GYPC: variants seen among roughly 807,000 people sequenced by gnomAD.
GYPC encodes the protein glycophorin-C.
In GYPC, 14 loss-of-function variants were observed where a neutral mutation model predicts 12.6. The ratio of observed to expected loss-of-function variants is 1.11; its 90% confidence interval spans 0.74 to 1.74. GYPC has a LOEUF of 1.74. Ranked by LOEUF, GYPC falls within the 40% of genes most tolerant of loss-of-function variation. GYPC has a pLI of 0.00. For missense variants in GYPC, 225 were observed against 172.1 expected (o/e 1.31, Z -1.72); for synonymous variants, 78 against 62.1 (o/e 1.26, Z -1.20).
chr2:126,671,633 A>G (rs1682859042), intron 1 of GYPC, among the ~76,000 whole-genome samples: 1 of 152,204 alleles, frequency 6.6e-6, no homozygotes, highest in Admixed American at 6.5e-5. Context: ...ACTTCTGCTG[A>G]CTGCCCTAGC....
intron 2 of GYPC, among the ~76,000 whole-genome samples, chr2:126,692,652 C>T (rs1426929556): frequency 1.3e-5 from 2 of 152,092 alleles, no homozygotes; most frequent in East Asian, 3.9e-4. Context: ...AGGAAACATC[C>T]CGGTCCCCAA....
chr2:126,671,511 G>A (rs1445037777), intron 1 of GYPC, among the ~76,000 whole-genome samples: 4 of 152,178 alleles, frequency 2.6e-5, no homozygotes, highest in Non-Finnish European at 4.4e-5. Context: ...TCTCCCTACC[G>A]GGAGGCCATC....
intron 1 of GYPC, among the ~76,000 whole-genome samples, chr2:126,671,451 G>T (rs934913092): frequency 6.6e-6 from 1 of 152,264 alleles, no homozygotes; most frequent in South Asian, 2.1e-4. Context: ...ACCTCTCCAC[G>T]CACGGGGCCA....
Position 126,693,800 on chromosome 2 carries a change from C to A in GYPC, c.107-64C>A. On this transcript the variant is annotated intron_variant, in intron 2 of 3. Coordinates refer to ENST00000259254, the MANE Select transcript of GYPC (RefSeq NM_002101.5). ...CCTGAGCAAAGGATGCAGCTTGGGC[C>A]AAGGTGCTGCTAGGCATGGAGAATC... 3 of 1,113,928 alleles carry A rather than the reference C, an allele frequency of 2.7e-6. No homozygotes were observed. In the Admixed American group the frequency reaches 5.1e-5, roughly 19 times the overall value. 69.0% of individuals were successfully genotyped at this position (1,113,928 alleles called of 1,614,324 possible).
In GYPC at chr2:126,696,153, A is replaced by G. The variant is rs1683638420; in HGVS notation, c.*11A>G. On this transcript the variant is annotated 3_prime_UTR_variant, in exon 4 of 4. Coordinates refer to ENST00000259254, the MANE Select transcript of GYPC (RefSeq NM_002101.5). ...GAGTACTTTATTTGAGGGACAACAG[A>G]CTTCACTTCCCTGAATGCCTCCCCC... 2 of 1,603,296 alleles carry G rather than the reference A, an allele frequency of 1.2e-6. No homozygotes were observed. The highest frequency in any genetic ancestry group is 3.3e-5 in the Admixed American group (2 of 59,914).
chr2:126,676,089 A>G (rs771799461), intron 1 of GYPC, among the ~76,000 whole-genome samples: 15 of 152,204 alleles, frequency 9.9e-5, no homozygotes, highest in Non-Finnish European at 1.9e-4. Flanking sequence ...GGAGCCTCTA[A>G]TCCTGATTGA....
intron 1 of GYPC, among the ~76,000 whole-genome samples, chr2:126,673,024 A>T (rs1558882912): frequency 6.6e-6 from 1 of 151,958 alleles, no homozygotes; most frequent in Non-Finnish European, 1.5e-5. Flanking sequence ...GGCAAGTCAC[A>T]CTCGAGGTCA....
Position 126,656,196 on chromosome 2 carries a change from C to T in GYPC, c.-68C>T. The stretch of plus-strand genomic sequence containing the variant: ...AGGGTCAGGAGCCCGGGAGCGCGAC[C>T]CTCCCCCGGCCCGGCCTGGCCCGGC... On this transcript the variant is annotated 5_prime_UTR_variant, in exon 1 of 4. Transcript: ENST00000259254. 6.5e-7 allele frequency: 1 copy of T among 1,542,336 alleles called. No individual in the cohort carries two copies.
At chr2:126,686,671 G>T in intron 1 of GYPC, 3 of 985,308 alleles carry the variant, frequency 3.0e-6, no homozygotes, top group Non-Finnish European at 2.4e-6. Context: ...GGGCCGGGGG[G>T]ACCTTGCAAC....
At chr2:126,664,690 GTGACCTGAGCTCA>G (rs1168334986) in intron 1 of GYPC, among the ~76,000 whole-genome samples, 1 of 152,274 alleles carries the variant, frequency 6.6e-6, no homozygotes, top group East Asian at 1.9e-4. Flanking sequence ...AAGTCACCCT[GTGACCTGAGCTCA>G]GCCCATTGGA....
At chr2:126,683,000 C>A (rs1234951634) in intron 1 of GYPC, among the ~76,000 whole-genome samples, 8 of 152,192 alleles carry the variant, frequency 5.3e-5, no homozygotes, top group African/African-American at 1.9e-4. Flanking sequence ...TTCTGCTTTC[C>A]TTCAGTCTAT....
At chr2:126,676,038 C>T (rs28387149) in intron 1 of GYPC, among the ~76,000 whole-genome samples, 10,481 of 152,292 alleles carry the variant, frequency 0.069, 454 homozygotes, top group Non-Finnish European at 0.1. Flanking sequence ...CTGGCTTCTT[C>T]CAGCTGTGCT....
intron 2 of GYPC, among the ~76,000 whole-genome samples, chr2:126,692,556 T>C (rs1340414454): frequency 6.6e-6 from 1 of 152,194 alleles, no homozygotes; most frequent in African/African-American, 2.4e-5. Flanking sequence ...GGATTTCCTA[T>C]GTTAACACTG....
At chr2:126,677,193 G>A (rs1683014100) in intron 1 of GYPC, among the ~76,000 whole-genome samples, 1 of 151,246 alleles carries the variant, frequency 6.6e-6, no homozygotes, top group African/African-American at 2.4e-5. Context: ...GTGCATGAGA[G>A]TGTGTGTGTG....
In GYPC at chr2:126,696,031, C is replaced by T; in HGVS notation, c.276C>T (p.His92=). 2 of 1,614,110 alleles carry T rather than the reference C, an allele frequency of 1.2e-6. No homozygotes were observed. The highest frequency in any genetic ancestry group is 1.7e-6 in the Non-Finnish European group (2 of 1,179,942). The part of the protein sequence containing the change: ...RYMYRHKGTY[H]TNEAKGTEFA... ...TGTACCGGCACAAGGGCACGTACCA[C>T]ACCAATGAGGCCAAGGGCACGGAGT... Residue 92 remains histidine (H), a synonymous_variant, in exon 4 of 4, where the codon CAC becomes CAT. Transcript: ENST00000259254.
intron 3 of GYPC, 104 bp from the exon 4 acceptor site, chr2:126,695,842 T>A (rs564672404): frequency 1.2e-6 from 1 of 849,726 alleles, no homozygotes; most frequent in East Asian, 2.4e-5. Context: ...CTTTTGGTTG[T>A]GGCATTGTAT....
intron 1 of GYPC, among the ~76,000 whole-genome samples, chr2:126,685,616 C>T (rs188161263): frequency 4.7e-4 from 72 of 152,234 alleles, no homozygotes; most frequent in African/African-American, 1.6e-3. Context: ...AACTCCTGAC[C>T]TCAGGTGTTC....
intron 2 of GYPC, among the ~76,000 whole-genome samples, chr2:126,690,772 G>T (rs423617): frequency 0.011 from 1,648 of 152,158 alleles, 32 homozygotes; most frequent in African/African-American, 0.037. Context: ...GGAAACTTGA[G>T]CCTGCCTTTG....
chr2:126,674,377 TC>T (rs1250946221), intron 1 of GYPC, among the ~76,000 whole-genome samples: 6 of 152,064 alleles, frequency 3.9e-5, no homozygotes, highest in Non-Finnish European at 2.9e-5. Context: ...CCAGAAAACT[TC>T]CTTACTTTCT....
Sources: allele counts gnomAD v4.1 joint callset (sites outside exome capture counted in the v4.1 genomes callset), GRCh38; gene constraint gnomAD v4.1.1; transcripts MANE v1.5; gene names NCBI Gene and HGNC (gene_info 2026-07-23, HGNC 2026-07-21).